The following ATP10B variants were observed in gnomAD, a reference collection of about 807,000 sequenced individuals.
ATP10B encodes the protein ATPase phospholipid transporting 10B (putative), also known as phospholipid-transporting ATPase VB.
In ATP10B, 122 loss-of-function variants were observed where a neutral mutation model predicts 141.2. The observed-to-expected ratio is 0.86, with a 90% CI of 0.75 to 1.00. ATP10B has a LOEUF of 1.00. Ranked by LOEUF, ATP10B falls within the 50% of genes least tolerant of loss-of-function variation. The probability of loss-of-function intolerance (pLI) is 0.00; values close to 1 mark genes in which losing one functional copy is unlikely to be tolerated. For missense variants in ATP10B, 1,876 were observed against 1,825.3 expected, an observed-to-expected ratio of 1.03 and a Z score of -0.51; for synonymous variants, 685 against 692.0, an observed-to-expected ratio of 0.99 and a Z score of 0.16.
intron 3 of ATP10B, among the ~76,000 whole-genome samples, chr5:160,690,048 T>C (rs1763981348): frequency 6.6e-6 from 1 of 151,744 alleles, no homozygotes; most frequent in South Asian, 2.1e-4. Flanking sequence ...TCAGAAATAA[T>C]GCCACACATC....
intron 1 of ATP10B, among the ~76,000 whole-genome samples, chr5:160,846,091 A>G: frequency 6.6e-6 from 1 of 152,202 alleles, no homozygotes; most frequent in South Asian, 2.1e-4. Context: ...TATATATATC[A>G]CAGAGTTCCA....
intron 2 of ATP10B, among the ~76,000 whole-genome samples, chr5:160,749,289 T>A (rs1317901869): frequency 6.6e-6 from 1 of 152,246 alleles, no homozygotes; most frequent in Non-Finnish European, 1.5e-5. Flanking sequence ...AGGAATTCTA[T>A]CTTCTCAGAA....
chr5:160,824,414 T>C (rs557168639), intron 1 of ATP10B, among the ~76,000 whole-genome samples: 6 of 152,308 alleles, frequency 3.9e-5, no homozygotes, highest in African/African-American at 1.4e-4. Flanking sequence ...TAGAAGTCAG[T>C]GGTTGCAACT....
At chr5:160,658,433 A>C (rs1314153742) in intron 7 of ATP10B, among the ~76,000 whole-genome samples, 1 of 152,248 alleles carries the variant, frequency 6.6e-6, no homozygotes. Context: ...GACCATGGTC[A>C]CACATAAGTT....
At position 160,598,974 on chromosome 5, in the gene ATP10B, C is replaced by T. The variant is rs144973457; in HGVS notation, c.3364-4G>A. 293 of 1,613,762 alleles carry T rather than the reference C, an allele frequency of 1.8e-4. 1 individual carries two copies. The East Asian group carries it at 6.4e-3, about 35-fold the overall frequency. ...AGAAGAGCAGGTTGACGTAGCACTG[C>T]AGGCAGAGAGCATGGCCTTGTGAGT... On this transcript the variant is annotated splice_region_variant and splice_polypyrimidine_tract_variant and intron_variant, in intron 21 of 25. Transcript: ENST00000327245.
chr5:160,849,092 A>G (rs781504924), intron 1 of ATP10B, among the ~76,000 whole-genome samples: 2 of 152,132 alleles, frequency 1.3e-5, no homozygotes, highest in Admixed American at 1.3e-4. Context: ...ATTCTGATAC[A>G]GCCGGCCCAG....
intron 1 of ATP10B, among the ~76,000 whole-genome samples, chr5:160,805,377 A>G (rs1296043152): frequency 6.6e-6 from 1 of 152,220 alleles, no homozygotes; most frequent in East Asian, 1.9e-4. Context: ...ACATCTTGTT[A>G]AATTTAATTG....
the ATP10B span, among the ~76,000 whole-genome samples, chr5:160,890,173 C>T: frequency 6.6e-6 from 1 of 152,126 alleles, no homozygotes; most frequent in Admixed American, 6.5e-5. Flanking sequence ...TTTGGCCCAT[C>T]CTAATAAGTA....
chr5:160,902,607 A>G, the ATP10B span, among the ~76,000 whole-genome samples: 1 of 152,220 alleles, frequency 6.6e-6, no homozygotes. Context: ...CTCATGACAG[A>G]GGAAAAAGGA....
At chr5:160,848,504 G>A (rs1247785179) in intron 1 of ATP10B, among the ~76,000 whole-genome samples, 1 of 152,204 alleles carries the variant, frequency 6.6e-6, no homozygotes, top group Admixed American at 6.5e-5. Flanking sequence ...TACATTCACT[G>A]CCATATCACT....
At chr5:160,902,539 CAA>C in the ATP10B span, among the ~76,000 whole-genome samples, 1 of 152,066 alleles carries the variant, frequency 6.6e-6, no homozygotes, top group Non-Finnish European at 1.5e-5. Flanking sequence ...TTTGATGAAA[CAA>C]AGAATGGCAT....
At chr5:160,869,602 T>A in the ATP10B span, among the ~76,000 whole-genome samples, 1 of 151,996 alleles carries the variant, frequency 6.6e-6, no homozygotes, top group Non-Finnish European at 1.5e-5. Context: ...AAGTGAAATG[T>A]TGAACAGACT....
chr5:160,639,328 C>T (rs1759651318), intron 10 of ATP10B: 1 of 152,206 alleles, frequency 6.6e-6, no homozygotes, highest in Admixed American at 6.5e-5. Context: ...CCTTGGGGCC[C>T]TATGAATACA....
intron 6 of ATP10B, among the ~76,000 whole-genome samples, chr5:160,671,358 T>C (rs918779430): frequency 6.6e-6 from 1 of 152,146 alleles, no homozygotes; most frequent in Non-Finnish European, 1.5e-5. Flanking sequence ...TAATATCCAC[T>C]ATTTACCAGA....
chr5:160,726,191 A>G lies in ATP10B; in HGVS notation c.-330-9157T>C, dbSNP rs1180111124. Among the ~76,000 whole-genome samples the G allele has an allele frequency of 2.0e-5, 3 of 152,034 alleles. No homozygotes were observed. The East Asian group carries it at 5.8e-4, about 29-fold the overall frequency. ...TCAATGTCACTCTGGGGTGCTTTAG[A>G]CCTTTTCTCTGCATGGTGAGTTTAT... On this transcript the variant is annotated intron_variant, in intron 2 of 25. Transcript: ENST00000327245.
intron 8 of ATP10B, among the ~76,000 whole-genome samples, chr5:160,648,858 T>A (rs980316518): frequency 1.3e-5 from 2 of 151,810 alleles, no homozygotes; most frequent in African/African-American, 4.8e-5. Flanking sequence ...AAAAAATTGA[T>A]CTTAATTAAA....
At chr5:160,636,482 T>A (rs1169846446) in intron 10 of ATP10B, among the ~76,000 whole-genome samples, 173 bp from the exon 11 acceptor site, 1 of 152,198 alleles carries the variant, frequency 6.6e-6, no homozygotes, top group East Asian at 1.9e-4. Flanking sequence ...CATGTGTTCA[T>A]GTTGCTCTAA....
the ATP10B span, among the ~76,000 whole-genome samples, chr5:160,889,818 T>C: frequency 6.6e-6 from 1 of 152,182 alleles, no homozygotes; most frequent in Admixed American, 6.5e-5. Context: ...CTGCCTTTCC[T>C]GGCAGCCTCA....
intron 1 of ATP10B, among the ~76,000 whole-genome samples, chr5:160,805,433 T>C (rs1202403213): frequency 6.6e-6 from 1 of 152,244 alleles, no homozygotes; most frequent in Non-Finnish European, 1.5e-5. Context: ...GCTATTTAGA[T>C]CATCACTGAG....
Sources: gnomAD v4.1 joint callset for allele counts (sites outside exome capture counted in the v4.1 genomes callset) on GRCh38, gnomAD v4.1.1 for gene constraint, MANE v1.5 for transcripts, NCBI Gene and HGNC (gene_info 2026-07-23, HGNC 2026-07-21) for gene names.